Variants in SORCS3 observed in about 807,000 individuals in gnomAD.
SORCS3 encodes the protein sortilin related VPS10 domain containing receptor 3.
A neutral mutation model predicts 146.3 loss-of-function variants in SORCS3; 57 were observed. The ratio of observed to expected loss-of-function variants is 0.39; its 90% CI spans 0.31 to 0.49. The LOEUF is 0.49. Ranked by LOEUF, SORCS3 falls within the 20% of genes least tolerant of loss-of-function variation. The pLI, the probability that SORCS3 is intolerant of heterozygous loss-of-function variation, is 0.92. For synonymous variants in SORCS3, 653 were observed against 618.5 expected, an observed-to-expected ratio of 1.06 and a Z score of -0.83; for missense variants, 1,341 against 1,575.5, an observed-to-expected ratio of 0.85 and a Z score of 2.52.
intron 14 of SORCS3, among the ~76,000 whole-genome samples, chr10:105,183,843 T>A (rs2056458841): frequency 1.3e-5 from 2 of 152,114 alleles, no homozygotes; most frequent in Non-Finnish European, 2.9e-5. Context: ...AAAGCTTATT[T>A]TGATCAATGG....
At chr10:104,980,339 A>G (rs1430172326) in intron 4 of SORCS3, among the ~76,000 whole-genome samples, 2 of 152,234 alleles carry the variant, frequency 1.3e-5, no homozygotes, top group African/African-American at 2.4e-5. Context: ...GTGAAAGCAG[A>G]TGATGCCCCT....
At chr10:105,227,530 A>T (rs1026959755) in intron 20 of SORCS3, among the ~76,000 whole-genome samples, 1 of 152,136 alleles carries the variant, frequency 6.6e-6, no homozygotes, top group Admixed American at 6.5e-5. Flanking sequence ...TAGCTCTTGG[A>T]TAAAATGTTC....
At chr10:105,010,267 G>A (rs115320991) in intron 4 of SORCS3, among the ~76,000 whole-genome samples, 2,051 of 152,336 alleles carry the variant, frequency 0.013, 36 homozygotes, top group African/African-American at 0.035. Context: ...GGCAGGGATT[G>A]TTGATAATTC....
chr10:104,940,221 T>TAC (rs2019299404), intron 3 of SORCS3, among the ~76,000 whole-genome samples: 1 of 15,262 alleles, frequency 6.6e-5, no homozygotes, highest in Non-Finnish European at 1.1e-4. Context: ...TATATATATA[T>TAC]ATATATATAT....
intron 4 of SORCS3, among the ~76,000 whole-genome samples, chr10:105,001,366 G>T (rs1218322458): frequency 6.6e-6 from 1 of 152,178 alleles, no homozygotes; most frequent in Non-Finnish European, 1.5e-5. Flanking sequence ...CTGTAGAGGG[G>T]CAAGGGCTGA....
intron 1 of SORCS3, among the ~76,000 whole-genome samples, chr10:104,740,442 C>T (rs750771643): frequency 6.6e-6 from 1 of 152,196 alleles, no homozygotes; most frequent in Admixed American, 6.5e-5. Context: ...TTTCGACGCA[C>T]CTCCTCTGGG....
At chr10:104,781,373 A>G (rs1054336952) in intron 1 of SORCS3, among the ~76,000 whole-genome samples, 8 of 152,230 alleles carry the variant, frequency 5.3e-5, no homozygotes, top group Non-Finnish European at 8.8e-5. Flanking sequence ...TGTATGTGGT[A>G]TGTGTGTCAC....
At chr10:104,823,965 G>GT (rs1163993939) in intron 1 of SORCS3, among the ~76,000 whole-genome samples, 1 of 152,170 alleles carries the variant, frequency 6.6e-6, no homozygotes, top group Non-Finnish European at 1.5e-5. Context: ...ACCAGCCATT[G>GT]TTGGCTTTGA....
At position 104,985,979 on chromosome 10, in the gene SORCS3, T is replaced by A. The variant is rs907236659; in HGVS notation, c.954+8486T>A. 1.3e-4 allele frequency among the ~76,000 whole-genome samples: 20 copies of A among 152,312 alleles called. No homozygotes were observed. In the East Asian group the frequency reaches 2.9e-3, roughly 22 times the overall value. On this transcript the variant is annotated intron_variant, in intron 4 of 26. Transcript: ENST00000369701. ...GGATTTTTCAAATCATAAGTGAGCA[T>A]TGACTTCAACTTAAAGTCGTCAGCA...
At chr10:105,009,523 CAAACAAA>C (rs767665844) in intron 4 of SORCS3, among the ~76,000 whole-genome samples, 25 of 48,998 alleles carry the variant, frequency 5.1e-4, no homozygotes, top group East Asian at 2.8e-3. Context: ...AACAAACAAA[CAAACAAA>C]AAAAAAAAAA....
chr10:105,033,235 A>G (rs1402060558), intron 4 of SORCS3, among the ~76,000 whole-genome samples: 1 of 152,232 alleles, frequency 6.6e-6, no homozygotes, highest in Non-Finnish European at 1.5e-5. Flanking sequence ...CAAATGAGAC[A>G]TTAGTCCTGT....
At chr10:105,159,615 A>G (rs1464418200) in intron 11 of SORCS3, among the ~76,000 whole-genome samples, 3 of 152,238 alleles carry the variant, frequency 2.0e-5, no homozygotes, top group African/African-American at 4.8e-5. Flanking sequence ...CTGCATTTCC[A>G]TACACCTTTT....
intron 1 of SORCS3, among the ~76,000 whole-genome samples, chr10:104,695,873 A>G (rs765392285): frequency 4.0e-5 from 6 of 149,868 alleles, no homozygotes; most frequent in Admixed American, 6.7e-5. Context: ...AATTCACAAT[A>G]GTCAAAATAT....
At position 105,157,068 on chromosome 10, in the gene SORCS3, C is replaced by T. The variant is rs899425839; in HGVS notation, c.1483-70C>T. ...TGCCGTGGGAAATTCTGCGGCTTCT[C>T]TAAGGGCTTCTCCAAGACCAAAGGC... On this transcript the variant is annotated intron_variant, in intron 9 of 26. Coordinates refer to ENST00000369701, the MANE Select transcript of SORCS3 (RefSeq NM_014978.3). 3.8e-6 allele frequency: 6 copies of T among 1,570,184 alleles called. No homozygotes were observed. The Admixed American group carries it at 1.1e-4, about 28-fold the overall frequency.
chr10:104,763,910 G>A (rs2017150865), intron 1 of SORCS3, among the ~76,000 whole-genome samples: 1 of 151,868 alleles, frequency 6.6e-6, no homozygotes, highest in Middle Eastern at 3.2e-3. Context: ...GCCACCTCGT[G>A]AGGAAGGTGC....
At chr10:105,218,874 G>A (rs1002546489) in intron 19 of SORCS3, among the ~76,000 whole-genome samples, 2 of 152,124 alleles carry the variant, frequency 1.3e-5, no homozygotes, top group East Asian at 1.9e-4. Flanking sequence ...AATTAGCCGG[G>A]CGTTTTGGCA....
chr10:105,227,295 T>G (rs1204700714), intron 20 of SORCS3, among the ~76,000 whole-genome samples: 1 of 152,206 alleles, frequency 6.6e-6, no homozygotes, highest in African/African-American at 2.4e-5. Flanking sequence ...CTGTGTAATT[T>G]CTTTCTTGAC....
At chr10:104,880,869 C>A (rs536660415) in intron 2 of SORCS3, among the ~76,000 whole-genome samples, 29 of 152,290 alleles carry the variant, frequency 1.9e-4, no homozygotes, top group African/African-American at 6.0e-4. Context: ...AATGTCACAA[C>A]ATGAGTCACA....
At chr10:104,978,753 G>C (rs2054916672) in intron 4 of SORCS3, among the ~76,000 whole-genome samples, 1 of 152,094 alleles carries the variant, frequency 6.6e-6, no homozygotes, top group African/African-American at 2.4e-5. Context: ...GTCTCTTCCA[G>C]TATGTTAATA....
Sources: allele counts gnomAD v4.1 joint callset (sites outside exome capture counted in the v4.1 genomes callset), GRCh38; gene constraint gnomAD v4.1.1; transcripts MANE v1.5; gene names NCBI Gene and HGNC (gene_info 2026-07-23, HGNC 2026-07-21).